Variants in FAM91A1 observed in about 807,000 individuals in gnomAD.
FAM91A1 encodes the protein family with sequence similarity 91 member A1.
In FAM91A1, 41 loss-of-function variants were observed where a neutral mutation model predicts 113.5. That is an observed-to-expected ratio of 0.36 (90% CI 0.28 to 0.47). FAM91A1 has a LOEUF of 0.47. Ranked by LOEUF, FAM91A1 falls within the 20% of genes least tolerant of loss-of-function variation. FAM91A1 has a pLI of 1.00. For missense variants in FAM91A1, 696 were observed against 1,001.2 expected (o/e 0.70, Z 4.11); for synonymous variants, 307 against 347.9 (o/e 0.88, Z 1.31).
At position 123,770,261 on chromosome 8, in the gene FAM91A1, T is replaced by C. The variant is rs546378998; in HGVS notation, c.72+1487T>C. ...CCACAGTGCCCAGCCAGTATGAGGA[T>C]TGTTATAGTTTAGTTTACTTTGCTC... On this transcript the variant is annotated intron_variant, in intron 1 of 23. Transcript: ENST00000334705. 2.6e-5 allele frequency among the ~76,000 whole-genome samples: 4 copies of C among 152,284 alleles called. No individual in the cohort carries two copies. The East Asian group carries it at 5.8e-4, about 22-fold the overall frequency.
chr8:123,791,456 A>G (rs1031847878), intron 15 of FAM91A1, among the ~76,000 whole-genome samples: 2 of 152,114 alleles, frequency 1.3e-5, no homozygotes, highest in African/African-American at 4.8e-5. Flanking sequence ...GGTAAATCTA[A>G]ACCTATTCTC....
rs1235361218 is a variant in FAM91A1, at chr8:123,810,312, A to T, written c.2292A>T (p.Lys764Asn). The T allele has an allele frequency of 6.2e-7, 1 of 1,612,302 alleles. No homozygotes were observed. The highest frequency in any genetic ancestry group is 8.5e-7 in the Non-Finnish European group (1 of 1,179,480). The change falls in exon 23 of 24, where the codon AAA (lysine) becomes AAT (asparagine). Residue 764 changes from lysine to asparagine, a missense_variant. By Grantham distance (94) the Lys-to-Asn change is moderately conservative. Transcript: ENST00000334705. ...AAAACCTCTTACATTCCAGTAGAAA[A>T]CTCTCTCTGCAAGTCCTTAACTTTG... ...SLQNLLHSSR[K>N]LSLQVLNFVH... is the part of the protein sequence containing the mutation.
intron 4 of FAM91A1, 32 bp from the exon 5 acceptor site, chr8:123,777,993 A>G (rs1815028837): frequency 6.4e-7 from 1 of 1,574,314 alleles, no homozygotes; most frequent in Non-Finnish European, 8.7e-7. Flanking sequence ...AGATATGTTA[A>G]ATGTTTTTAA....
chr8:123,783,900 C>G (rs1020678454), intron 8 of FAM91A1, among the ~76,000 whole-genome samples: 3 of 152,074 alleles, frequency 2.0e-5, no homozygotes, highest in Non-Finnish European at 4.4e-5. Context: ...GGGGAGGATA[C>G]CAGAAAAGAA....
intron 13 of FAM91A1, 46 bp downstream of exon 13, chr8:123,787,419 C>G (rs747687840): frequency 7.3e-7 from 1 of 1,361,060 alleles, no homozygotes; most frequent in Non-Finnish European, 1.0e-6. Flanking sequence ...AAAATAAATA[C>G]TAGATATAAA....
intron 15 of FAM91A1, 112 bp from the exon 16 acceptor site, chr8:123,797,978 A>T: frequency 7.9e-7 from 1 of 1,266,114 alleles, no homozygotes; most frequent in Non-Finnish European, 1.1e-6. Flanking sequence ...GAGTTACTTT[A>T]CCTTAAAAAG....
At chr8:123,774,189 G>A (rs777335683) in intron 2 of FAM91A1, 25 bp downstream of exon 2, 7 of 1,532,694 alleles carry the variant, frequency 4.6e-6, no homozygotes, top group Non-Finnish European at 6.3e-6. Context: ...GTTTATATTG[G>A]GGTGGAACTG....
At chr8:123,798,348 A>C in intron 16 of FAM91A1, 110 bp downstream of exon 16, 7 of 1,291,882 alleles carry the variant, frequency 5.4e-6, no homozygotes, top group Non-Finnish European at 7.3e-6. Flanking sequence ...CATAGAAAGC[A>C]ATTTTGTATT....
At chr8:123,783,513 A>G (rs1270458783) in intron 8 of FAM91A1, among the ~76,000 whole-genome samples, 1 of 152,202 alleles carries the variant, frequency 6.6e-6, no homozygotes, top group Non-Finnish European at 1.5e-5. Flanking sequence ...ATGTATGTAC[A>G]TTGTAGTTTT....
At chr8:123,781,171 G>A (rs1171967027) in intron 8 of FAM91A1, among the ~76,000 whole-genome samples, 1 of 152,072 alleles carries the variant, frequency 6.6e-6, no homozygotes. Flanking sequence ...ATTTATAGAA[G>A]CACTTACTAT....
chr8:123,775,284 A>T lies in FAM91A1; in HGVS notation c.295A>T (p.Thr99Ser), dbSNP rs766757469. ...GAGGATAACACCATTTTCATATTAT[A>T]CTGGGATTATGGAGGTGAGTTTACA... is the stretch of plus-strand genomic sequence containing the variant. The part of the protein sequence containing the change: ...GLRITPFSYY[T>S]GIMEDIMNSE... Residue 99 changes from threonine (T) to serine (S), a missense_variant, in exon 3 of 24, where the codon ACT becomes TCT. Transcript: ENST00000334705. 1.2e-6 allele frequency: 2 copies of T among 1,613,716 alleles called. No individual in the cohort carries two copies. The highest frequency in any genetic ancestry group is 2.7e-5 in the African/African-American group (2 of 74,904).
intron 6 of FAM91A1, 91 bp downstream of exon 6, chr8:123,778,863 C>T (rs2130060199): frequency 1.2e-6 from 1 of 826,446 alleles, no homozygotes; most frequent in African/African-American, 1.8e-5. Context: ...TAAAAAGTAA[C>T]ATTGTTTTCC....
At chr8:123,787,784 G>A in intron 14 of FAM91A1, 34 bp downstream of exon 14, 1 of 1,540,504 alleles carries the variant, frequency 6.5e-7, no homozygotes, top group Non-Finnish European at 8.9e-7. Flanking sequence ...GGATGTTAGG[G>A]CATTTGGAAT....
At chr8:123,787,072 T>C (rs1460107840) in intron 12 of FAM91A1, among the ~76,000 whole-genome samples, 189 bp from the exon 13 acceptor site, 1 of 152,234 alleles carries the variant, frequency 6.6e-6, no homozygotes, top group African/African-American at 2.4e-5. Context: ...GGCCTAGGGT[T>C]AAATGCTTTT....
chr8:123,775,085 A>G (rs559896098), intron 2 of FAM91A1, 62 bp from the exon 3 acceptor site: 165 of 1,447,660 alleles, frequency 1.1e-4, no homozygotes, highest in Non-Finnish European at 2.8e-5. Context: ...TAAAGTGTTC[A>G]TAGTTAATAT....
At position 123,785,111 on chromosome 8, in the gene FAM91A1, C is replaced by A. The variant is rs776239012; in HGVS notation, c.841C>A (p.Leu281Met). ...AAATGTCCTTGAGATTGACTTATCC[C>A]TGGTTAAGGTATGTTATTTTTATAC... ...LANVLEIDLSLVKNAVSMYCR... is the reference protein window; with the variant it reads ...LANVLEIDLSMVKNAVSMYCR... The change falls in exon 10 of 24, where the codon CTG (leucine) becomes ATG (methionine). Residue 281 changes from leucine to methionine, a missense_variant. Leu to Met is a conservative substitution (Grantham distance 15). Transcript: ENST00000334705. 4.6e-5 allele frequency: 73 copies of A among 1,587,838 alleles called. No individual in the cohort carries two copies. The highest frequency in any genetic ancestry group is 6.0e-5 in the Non-Finnish European group (70 of 1,170,986).
intron 15 of FAM91A1, among the ~76,000 whole-genome samples, chr8:123,795,632 C>T (rs148667947): frequency 1.9e-4 from 29 of 152,250 alleles, no homozygotes; most frequent in Non-Finnish European, 4.0e-4. Flanking sequence ...ATTACGCAGT[C>T]GGAGGTATTT....
intron 14 of FAM91A1, 100 bp downstream of exon 14, chr8:123,787,850 C>A: frequency 1.1e-6 from 1 of 912,692 alleles, no homozygotes; most frequent in South Asian, 1.8e-5. Context: ...GATGGGCTTT[C>A]AGTGTATTCT....
intron 13 of FAM91A1, 100 bp from the exon 14 acceptor site, chr8:123,787,564 T>G (rs1391832524): frequency 8.9e-7 from 1 of 1,128,428 alleles, no homozygotes; most frequent in African/African-American, 1.6e-5. Context: ...CCCCAATCCT[T>G]AAGTTTAAAT....
Sources: allele counts gnomAD v4.1 joint callset (sites outside exome capture counted in the v4.1 genomes callset), GRCh38; gene constraint gnomAD v4.1.1; transcripts MANE v1.5; gene names NCBI Gene and HGNC (gene_info 2026-07-23, HGNC 2026-07-21).